RPS4X: variants seen among roughly 807,000 people sequenced by gnomAD.
RPS4X encodes the protein ribosomal protein S4 X-linked.
For synonymous variants in RPS4X, 76 were observed against 76.8 expected (o/e 0.99, Z 0.06); for missense variants, 90 against 219.1 (o/e 0.41, Z 3.72).
rs369740837 is a variant in RPS4X, at chrX:72,275,731, C to A, written c.82-7G>T. ...CGGTGGATGGACGAGGAGCCTGTAA[C>A]GTTAAAAATGATAATCACTGTTGGG... On this transcript the variant is annotated splice_polypyrimidine_tract_variant and splice_region_variant and intron_variant, in intron 2 of 6. Coordinates refer to ENST00000316084, the MANE Select transcript of RPS4X (RefSeq NM_001007.5). 1,035 of 1,177,025 alleles carry A rather than the reference C, an allele frequency of 8.8e-4. 2 individuals carry two copies. Among genetic ancestry groups the A allele is most frequent in the Non-Finnish European group, 8.1e-4 (708 of 875,176 alleles).
At position 72,275,537 on chromosome X, in the gene RPS4X, T is replaced by TCC; in HGVS notation, c.262+6_262+7insGG. 6.4e-6 allele frequency: 7 copies of TCC among 1,102,110 alleles called. No homozygotes were observed. The highest frequency in any genetic ancestry group is 7.2e-6 in the Non-Finnish European group (6 of 838,348). 90.8% of individuals were successfully genotyped at this position (1,102,110 alleles called of 1,213,427 possible). A position where few individuals can be genotyped will look rare whatever the true frequency, so the allele number is the denominator to read the frequency against. Reference sequence around the variant, plus strand: ...TATGCGTCTCCAGAGTATTTAAAACTTCTTACCCATGAATCCAGCAGGGTA... The same window carrying TCC: ...TATGCGTCTCCAGAGTATTTAAAACTCCTCTTACCCATGAATCCAGCAGGGTA... On this transcript the variant is annotated splice_region_variant and intron_variant, in intron 3 of 6. Coordinates refer to ENST00000316084, the MANE Select transcript of RPS4X (RefSeq NM_001007.5).
chrX:72,276,336 GTGGACAATAT>G (rs1015388087), intron 1 of RPS4X, 102 bp from the exon 2 acceptor site: 36 of 558,427 alleles, frequency 6.4e-5, no homozygotes, highest in Non-Finnish European at 1.0e-4. Flanking sequence ...TCAGCAAAAT[GTGGACAATAT>G]TAAAGTATAG....
intron 2 of RPS4X, among the ~76,000 whole-genome samples, 158 bp from the exon 3 acceptor site, chrX:72,275,882 C>T (rs1647688829): frequency 8.9e-6 from 1 of 111,839 alleles, no homozygotes; most frequent in African/African-American, 3.2e-5. Context: ...AAAACTATTT[C>T]ATACCTTAAA....
chrX:72,273,531 G>T, intron 5 of RPS4X, 142 bp from the exon 6 acceptor site: 1 of 671,721 alleles, frequency 1.5e-6, no homozygotes, highest in Non-Finnish European at 2.2e-6. Context: ...AGGACTCCCG[G>T]GACTCTCGTA....
intron 1 of RPS4X, among the ~76,000 whole-genome samples, chrX:72,276,732 A>G (rs1394317452): frequency 8.9e-6 from 1 of 112,597 alleles, no homozygotes; most frequent in African/African-American, 3.2e-5. Flanking sequence ...AAAAGCTGAC[A>G]CCAATTTTAC....
chrX:72,274,382 A>G (rs1406218852), intron 4 of RPS4X: 2 of 341,530 alleles, frequency 5.9e-6, no homozygotes, highest in African/African-American at 5.3e-5. Flanking sequence ...CTTGAAGTAA[A>G]TCAAATAATC....
Position 72,273,830 on chromosome X carries a change from T to G in RPS4X, c.503A>C (p.Lys168Thr), listed in dbSNP as rs757659118. 8.3e-7 allele frequency: 1 copy of G among 1,209,291 alleles called. No individual in the cohort carries two copies. The highest frequency in any genetic ancestry group is 3.0e-5 in the East Asian group (1 of 33,811). ...DTIQIDLETGKITDFIKFDTG... is the reference protein window; with the variant it reads ...DTIQIDLETGTITDFIKFDTG... ...GTCGAACTTGATGAAATCAGTAATC[T>G]TGCCAGTCTCCAAATCAATCTGAAT... is the stretch of plus-strand genomic sequence containing the variant. Residue 168 changes from lysine (K) to threonine (T), a missense_variant, in exon 5 of 7, where the codon AAG (lysine) becomes ACG (threonine). By Grantham distance (78) the Lys-to-Thr change is moderately conservative. Coordinates refer to ENST00000316084, the MANE Select transcript of RPS4X (RefSeq NM_001007.5).
At chrX:72,277,106 A>G (rs1384114307) in intron 1 of RPS4X, 87 bp downstream of exon 1, 11 of 1,087,623 alleles carry the variant, frequency 1.0e-5, no homozygotes. Context: ...GGCCATCCCC[A>G]GTAGGAATCC....
chrX:72,273,225 G>GT lies in RPS4X; in HGVS notation c.690+6_690+7insA. 1 of 1,202,990 alleles carries GT rather than the reference G, an allele frequency of 8.3e-7. No individual in the cohort carries two copies. The highest frequency in any genetic ancestry group is 1.1e-6 in the Non-Finnish European group (1 of 890,873). On this transcript the variant is annotated splice_region_variant and intron_variant, in intron 6 of 6. Transcript: ENST00000316084. Reference sequence around the variant, plus strand: ...TCAGACTAGAGAGAAGGAAAACCCAGACTTACCTTGCCAATAACAAAAATG... The same window carrying GT: ...TCAGACTAGAGAGAAGGAAAACCCAGTACTTACCTTGCCAATAACAAAAATG...
At chrX:72,274,188 TTCCCAGGCTCTTTA>T (rs1402306476) in intron 4 of RPS4X, 1 of 417,940 alleles carries the variant, frequency 2.4e-6, no homozygotes, top group African/African-American at 2.5e-5. Context: ...CCACTCCAGT[TTCCCAGGCTCTTTA>T]AGCCTTATGG....
intron 5 of RPS4X, 63 bp downstream of exon 5, chrX:72,273,738 C>A: frequency 1.0e-6 from 1 of 988,355 alleles, no homozygotes; most frequent in Non-Finnish European, 1.4e-6. Flanking sequence ...TACCCAGACC[C>A]TGTGCAATTC....
intron 1 of RPS4X, among the ~76,000 whole-genome samples, chrX:72,276,878 C>T (rs1245465392): frequency 8.9e-6 from 1 of 112,807 alleles, no homozygotes; most frequent in Non-Finnish European, 1.9e-5. Context: ...GCCCACCAAC[C>T]TCGGGCTCGC....
chrX:72,274,234 C>T lies in RPS4X; in HGVS notation c.361-262G>A, dbSNP rs751823003. On this transcript the variant is annotated intron_variant, in intron 4 of 6. Transcript: ENST00000316084. Reference sequence around the variant, plus strand: ...ATGGGGCCCTGGGAATTCTTCCCTTCAACTCAACTTTATCTTAATGGCTCC... The same window carrying T: ...ATGGGGCCCTGGGAATTCTTCCCTTTAACTCAACTTTATCTTAATGGCTCC... 1.1e-4 allele frequency: 43 copies of T among 381,059 alleles called. No individual in the cohort carries two copies. The South Asian group carries it at 1.5e-3, about 13-fold the overall frequency. 31.4% of individuals were successfully genotyped at this position (381,059 alleles called of 1,213,427 possible). A position where few individuals can be genotyped will look rare whatever the true frequency, so the allele number is the denominator to read the frequency against.
intron 1 of RPS4X, 96 bp from the exon 2 acceptor site, chrX:72,276,330 C>T: frequency 3.4e-6 from 2 of 588,912 alleles, no homozygotes; most frequent in Non-Finnish European, 5.5e-6. Context: ...TCATCTTCAG[C>T]AAAATGTGGA....
chrX:72,276,953 G>C (rs944511082), intron 1 of RPS4X, among the ~76,000 whole-genome samples: 1 of 112,303 alleles, frequency 8.9e-6, no homozygotes, highest in Admixed American at 9.3e-5. Context: ...CCCGGGATCA[G>C]GACGTATGGC....
Position 72,275,721 on chromosome X carries a change from G to C in RPS4X, c.85C>G (p.Pro29Ala). Residue 29 changes from proline (P) to alanine (A), a missense_variant, in exon 3 of 7, where the codon CCT (proline) becomes GCT (alanine). Pro to Ala is a conservative substitution (Grantham distance 27, BLOSUM62 -1). Coordinates refer to ENST00000316084, the MANE Select transcript of RPS4X (RefSeq NM_001007.5). The stretch of plus-strand genomic sequence containing the variant: ...TTGTGGGGACCGGTGGATGGACGAG[G>C]AGCCTGTAACGTTAAAAATGATAAT... Reference protein sequence around the residue: ...MLDKLTGVFAPRPSTGPHKLR... With the variant: ...MLDKLTGVFAARPSTGPHKLR... 1.3e-5 allele frequency: 16 copies of C among 1,192,252 alleles called. No individual in the cohort carries two copies. Among genetic ancestry groups the C allele is most frequent in the Non-Finnish European group, 1.8e-5 (16 of 883,812 alleles).
At chrX:72,275,385 T>C (rs1428352519) in intron 3 of RPS4X, among the ~76,000 whole-genome samples, 159 bp downstream of exon 3, 1 of 112,197 alleles carries the variant, frequency 8.9e-6, no homozygotes, top group Non-Finnish European at 1.9e-5. Flanking sequence ...GTTTCATGAT[T>C]ATTTGCATGT....
intron 3 of RPS4X, 91 bp from the exon 4 acceptor site, chrX:72,275,241 ACCC>A: frequency 1.8e-6 from 1 of 570,007 alleles, no homozygotes; most frequent in Non-Finnish European, 2.9e-6. Context: ...AACAAAAAGA[ACCC>A]CCATGTGCCT....
intron 5 of RPS4X, 89 bp from the exon 6 acceptor site, chrX:72,273,478 TC>T: frequency 4.5e-6 from 4 of 896,813 alleles, no homozygotes; most frequent in Non-Finnish European, 6.1e-6. Context: ...ATTCCTCCTT[TC>T]CCCCCATTTG....
Sources: allele counts gnomAD v4.1 joint callset (sites outside exome capture counted in the v4.1 genomes callset), GRCh38; gene constraint gnomAD v4.1.1; transcripts MANE v1.5; gene names NCBI Gene and HGNC (gene_info 2026-07-23, HGNC 2026-07-21).